Variants in BBX observed in about 807,000 individuals in gnomAD.
BBX encodes HMG box transcription factor BBX.
BBX carries 30 observed loss-of-function variants against 100.2 expected under a neutral mutation model. That is an observed-to-expected ratio of 0.30 (90% confidence interval 0.22 to 0.41). BBX has a LOEUF of 0.41. BBX is among the 10% of genes least tolerant of loss of function. The pLI is 1.00. For missense variants in BBX, 1,023 were observed against 1,129.8 expected (o/e 0.91, Z 1.35); for synonymous variants, 376 against 388.1 (o/e 0.97, Z 0.37).
At chr3:107,627,303 C>T (rs913823990) in intron 2 of BBX, among the ~76,000 whole-genome samples, 1 of 152,188 alleles carries the variant, frequency 6.6e-6, no homozygotes, top group Non-Finnish European at 1.5e-5. Context: ...CAGAAGAAAT[C>T]AATTTCTGGC....
rs888356864 is a variant in BBX at position 107,811,205 on chromosome 3, A to G, written c.*5748A>G. 6 of 152,226 alleles carry G rather than the reference A, an allele frequency of 3.9e-5. No homozygotes were observed. Among genetic ancestry groups the G allele is most frequent in the African/African-American group, 1.4e-4 (6 of 41,452 alleles). 9.4% of individuals were successfully genotyped at this position (152,226 alleles called of 1,614,324 possible). On this transcript the variant is annotated 3_prime_UTR_variant, in exon 18 of 18. Transcript: ENST00000325805. ...AATAAAACTTTGAAATATTTTAAAG[A>G]TATTATTCAAATATATTTCTTTATG...
At chr3:107,724,480 C>T (rs1019113503) in intron 5 of BBX, among the ~76,000 whole-genome samples, 22 of 152,118 alleles carry the variant, frequency 1.4e-4, no homozygotes, top group Admixed American at 8.5e-4. Context: ...GAAGTCCTTG[C>T]CCATGCCTAT....
At chr3:107,588,956 A>T (rs886378087) in intron 2 of BBX, among the ~76,000 whole-genome samples, 1 of 152,226 alleles carries the variant, frequency 6.6e-6, no homozygotes, top group Non-Finnish European at 1.5e-5. Context: ...CTCCCAAGTT[A>T]GGTAAGAAAT....
chr3:107,775,678 A>G lies in BBX; in HGVS notation c.2054+821A>G, dbSNP rs1004520358. 7.4e-4 allele frequency among the ~76,000 whole-genome samples: 112 copies of G among 152,222 alleles called. 1 individual carries two copies. Among genetic ancestry groups the G allele is most frequent in the African/African-American group, 2.7e-3 (111 of 41,550 alleles). On this transcript the variant is annotated intron_variant, in intron 12 of 17. Coordinates refer to ENST00000325805, the MANE Select transcript of BBX (RefSeq NM_001142568.3). ...GTTTAAAGCTATGCAAATTGTATGC[A>G]TTGGGTGTATTGTATTTGATTTATT...
chr3:107,622,799 A>G (rs2055878755), intron 2 of BBX, among the ~76,000 whole-genome samples: 1 of 152,200 alleles, frequency 6.6e-6, no homozygotes. Context: ...CCTGTGGAAA[A>G]CATTGAGATT....
chr3:107,583,518 T>G (rs1018776014), intron 2 of BBX, among the ~76,000 whole-genome samples: 5 of 152,010 alleles, frequency 3.3e-5, no homozygotes, highest in Non-Finnish European at 5.9e-5. Context: ...ATGTGATATT[T>G]TGATACATGT....
chr3:107,625,017 T>C (rs1041248497), intron 2 of BBX, among the ~76,000 whole-genome samples: 1 of 152,226 alleles, frequency 6.6e-6, no homozygotes, highest in Non-Finnish European at 1.5e-5. Flanking sequence ...AGCATTGATT[T>C]TTGGAGAAGG....
intron 3 of BBX, among the ~76,000 whole-genome samples, chr3:107,675,128 T>C (rs1160986755): frequency 6.6e-6 from 1 of 152,140 alleles, no homozygotes; most frequent in African/African-American, 2.4e-5. Context: ...CTGCCATTAA[T>C]CTGATAGGAA....
At position 107,767,174 on chromosome 3, in the gene BBX, T is replaced by C. The variant is rs184971962; in HGVS notation, c.907-5454T>C. 7.8e-4 allele frequency among the ~76,000 whole-genome samples: 119 copies of C among 152,322 alleles called. 1 individual carries two copies. Among genetic ancestry groups the C allele is most frequent in the African/African-American group, 2.8e-3 (118 of 41,572 alleles). ...ATGTGACAACTGTGCACATTCTGCA[T>C]ATGTATCCCATAACTTAAAGTATAA... On this transcript the variant is annotated intron_variant, in intron 10 of 17. Transcript: ENST00000325805.
chr3:107,584,800 T>C (rs1304362363), intron 2 of BBX, among the ~76,000 whole-genome samples: 1 of 145,380 alleles, frequency 6.9e-6, no homozygotes, highest in Non-Finnish European at 1.5e-5. Flanking sequence ...CAAGCAGTTC[T>C]CCTGCTTCAG....
chr3:107,680,973 G>A (rs1181936494), intron 3 of BBX, among the ~76,000 whole-genome samples: 5 of 152,224 alleles, frequency 3.3e-5, no homozygotes, highest in Middle Eastern at 3.4e-3. Context: ...GCCTCTTTAC[G>A]TGTGTTGTAC....
chr3:107,775,200 A>G (rs2067226843), intron 12 of BBX, among the ~76,000 whole-genome samples: 1 of 152,162 alleles, frequency 6.6e-6, no homozygotes, highest in Non-Finnish European at 1.5e-5. Context: ...CATTTTGCCC[A>G]TTTTACATAC....
At chr3:107,786,585 T>A (rs1350543361) in intron 13 of BBX, among the ~76,000 whole-genome samples, 3 of 152,170 alleles carry the variant, frequency 2.0e-5, no homozygotes, top group Non-Finnish European at 4.4e-5. Flanking sequence ...CTGGATCAAC[T>A]GAGTATCTAC....
At chr3:107,644,938 GA>G (rs986275581) in intron 2 of BBX, among the ~76,000 whole-genome samples, 142 of 150,588 alleles carry the variant, frequency 9.4e-4, no homozygotes, top group African/African-American at 3.4e-3. Context: ...TGGCTTATTA[GA>G]AAAAAAAACT....
At chr3:107,663,384 A>G (rs1030470138) in intron 3 of BBX, among the ~76,000 whole-genome samples, 1 of 152,194 alleles carries the variant, frequency 6.6e-6, no homozygotes, top group Non-Finnish European at 1.5e-5. Context: ...TAGATAAGGT[A>G]CAAAGAATAA....
intron 15 of BBX, among the ~76,000 whole-genome samples, chr3:107,793,850 ATCTT>A (rs2069316229): frequency 6.6e-6 from 1 of 152,090 alleles, no homozygotes. Flanking sequence ...GCACCTTGCA[ATCTT>A]TCTTTTTTTT....
intron 5 of BBX, among the ~76,000 whole-genome samples, chr3:107,720,744 TG>T (rs1287419720): frequency 6.6e-6 from 1 of 152,046 alleles, no homozygotes. Flanking sequence ...AGGTTTTCAC[TG>T]CCACAAAACT....
chr3:107,780,142 T>C (rs919520238), intron 13 of BBX, among the ~76,000 whole-genome samples: 1 of 152,030 alleles, frequency 6.6e-6, no homozygotes, highest in Non-Finnish European at 1.5e-5. Context: ...CCTGGAGATA[T>C]TTAGGAATAG....
intron 2 of BBX, among the ~76,000 whole-genome samples, chr3:107,629,421 C>T (rs916388301): frequency 2.0e-5 from 3 of 152,098 alleles, no homozygotes; most frequent in African/African-American, 7.2e-5. Flanking sequence ...TAAATTAGTA[C>T]CCATTATGCA....
Sources: allele counts gnomAD v4.1 joint callset (sites outside exome capture counted in the v4.1 genomes callset), GRCh38; gene constraint gnomAD v4.1.1; transcripts MANE v1.5; gene names NCBI Gene and HGNC (gene_info 2026-07-23, HGNC 2026-07-21).